Variants in CACNA1C observed in about 807,000 individuals in gnomAD.
CACNA1C encodes voltage-dependent L-type calcium channel subunit alpha-1C.
In CACNA1C, 30 loss-of-function variants were observed where a neutral mutation model predicts 229.0. The observed-to-expected ratio is 0.13, with a 90% CI of 0.10 to 0.18. CACNA1C has a LOEUF of 0.18. CACNA1C is among the 10% of genes least tolerant of loss of function. The pLI is 1.00. For missense variants in CACNA1C, 1,658 were observed against 2,845.0 expected, an observed-to-expected ratio of 0.58 and a Z score of 9.49; for synonymous variants, 1,114 against 1,132.5, an observed-to-expected ratio of 0.98 and a Z score of 0.33.
intron 13 of CACNA1C, among the ~76,000 whole-genome samples, chr12:2,579,096 C>T (rs1301114265): frequency 1.3e-5 from 2 of 152,170 alleles, no homozygotes; most frequent in African/African-American, 4.8e-5. Flanking sequence ...GACTTTCTTG[C>T]TGACGGCACC....
intron 3 of CACNA1C, among the ~76,000 whole-genome samples, chr12:2,175,475 C>T (rs1008120292): frequency 6.6e-6 from 1 of 151,994 alleles, no homozygotes; most frequent in Non-Finnish European, 1.5e-5. Flanking sequence ...GAGTTAGATT[C>T]AGGTTCCGTT....
intron 1 of CACNA1C, among the ~76,000 whole-genome samples, chr12:2,097,993 T>C (rs1276933166): frequency 2.0e-5 from 3 of 152,204 alleles, no homozygotes; most frequent in Non-Finnish European, 4.4e-5. Context: ...GTACGGTATC[T>C]GGTGGAGCCT....
intron 3 of CACNA1C, among the ~76,000 whole-genome samples, chr12:2,375,392 G>T (rs2098020524): frequency 6.6e-6 from 1 of 152,206 alleles, no homozygotes; most frequent in South Asian, 2.1e-4. Flanking sequence ...CTGGCATGAG[G>T]CTCAGGAGAT....
intron 3 of CACNA1C, among the ~76,000 whole-genome samples, chr12:2,268,406 G>T (rs2083288147): frequency 6.6e-6 from 1 of 152,222 alleles, no homozygotes; most frequent in Non-Finnish European, 1.5e-5. Flanking sequence ...TGGGCCAGCT[G>T]CTCTTGTTCC....
At chr12:2,557,343 G>A (rs2370599) in intron 11 of CACNA1C, among the ~76,000 whole-genome samples, 134,947 of 152,200 alleles carry the variant, frequency 0.89, 60,372 homozygotes, top group Non-Finnish European at 0.95. Flanking sequence ...ATGGTGAGAT[G>A]TAACCTTTGA....
At chr12:2,161,721 G>A (rs543326976) in intron 3 of CACNA1C, among the ~76,000 whole-genome samples, 6 of 152,330 alleles carry the variant, frequency 3.9e-5, no homozygotes, top group Middle Eastern at 3.4e-3. Flanking sequence ...CAAACAAAGA[G>A]CGCTCTCTGG....
At chr12:2,278,045 T>G (rs1013429721) in intron 3 of CACNA1C, among the ~76,000 whole-genome samples, 1 of 152,220 alleles carries the variant, frequency 6.6e-6, no homozygotes, top group Non-Finnish European at 1.5e-5. Context: ...TGAGGGCCAA[T>G]CTCAGTCCTC....
intron 3 of CACNA1C, among the ~76,000 whole-genome samples, chr12:2,419,858 T>G (rs561391934): frequency 6.6e-6 from 1 of 152,310 alleles, no homozygotes; most frequent in Admixed American, 6.5e-5. Flanking sequence ...CAGCCAGTGC[T>G]GAGGCTGGAT....
intron 3 of CACNA1C, among the ~76,000 whole-genome samples, chr12:2,404,259 C>G (rs572198694): frequency 1.4e-4 from 22 of 152,276 alleles, no homozygotes; most frequent in African/African-American, 4.8e-4. Flanking sequence ...GGAATGAGCC[C>G]CTGGCCTTTT....
At chr12:2,144,289 G>C (rs947709424) in intron 3 of CACNA1C, among the ~76,000 whole-genome samples, 1 of 151,308 alleles carries the variant, frequency 6.6e-6, no homozygotes, top group African/African-American at 2.4e-5. Flanking sequence ...GGGTGTAGAA[G>C]AATTGTCTGG....
At chr12:2,107,550 G>A (rs1001562517) in intron 1 of CACNA1C, among the ~76,000 whole-genome samples, 20 of 152,268 alleles carry the variant, frequency 1.3e-4, no homozygotes, top group Non-Finnish European at 2.1e-4. Context: ...CAGCTGGGGT[G>A]TCCTGAGGAT....
chr12:2,679,529 G>A lies in CACNA1C; in HGVS notation c.5177G>A (p.Arg1726His), dbSNP rs377564636. ...TTCCCCCAGACCTTCACCACTCAGC[G>A]CCCGCTGCACATCAACAAGGCGGGC... is the stretch of plus-strand genomic sequence containing the variant. Reference protein sequence around the residue: ...SAFPQTFTTQRPLHINKAGSS... With the variant: ...SAFPQTFTTQHPLHINKAGSS... The change falls in exon 42 of 47, where the codon CGC (arginine) becomes CAC (histidine). Residue 1726 changes from arginine to histidine, a missense_variant. Coordinates refer to ENST00000399655, the MANE Select transcript of CACNA1C (RefSeq NM_000719.7). The surrounding 1 kb of genome is among the most constrained non-coding windows in gnomAD (Gnocchi z 5.5). 6.8e-6 allele frequency: 11 copies of A among 1,612,504 alleles called. No individual in the cohort carries two copies. The highest frequency in any genetic ancestry group is 2.2e-5 in the East Asian group (1 of 44,848).
Position 2,139,058 on chromosome 12 carries a change from G to T in CACNA1C, c.477+18628G>T, listed in dbSNP as rs941627974. ...ACTGCTGTGAAAATACCATGCATTTGGTGGCTTAAAACAATAGAAATTTAT... is the reference window on the plus strand; with the variant it reads ...ACTGCTGTGAAAATACCATGCATTTTGTGGCTTAAAACAATAGAAATTTAT... On this transcript the variant is annotated intron_variant, in intron 3 of 46. Coordinates refer to ENST00000399655, the MANE Select transcript of CACNA1C (RefSeq NM_000719.7). Among the ~76,000 whole-genome samples the T allele has an allele frequency of 5.3e-5, 8 of 150,986 alleles. 1 individual carries two copies. Among genetic ancestry groups the T allele is most frequent in the South Asian group, 2.1e-4 (1 of 4,722 alleles).
intron 5 of CACNA1C, among the ~76,000 whole-genome samples, chr12:2,468,298 C>G (rs868500284): frequency 6.6e-6 from 1 of 152,322 alleles, no homozygotes; most frequent in South Asian, 2.1e-4. Context: ...CCTCCAGTCA[C>G]GAACTGGTCT....
At chr12:2,619,839 G>A (rs574369766) in intron 29 of CACNA1C, among the ~76,000 whole-genome samples, 2 of 152,110 alleles carry the variant, frequency 1.3e-5, no homozygotes, top group East Asian at 1.9e-4. Context: ...TGGTACCAGG[G>A]ACTCAATCAT....
At chr12:2,400,991 C>G (rs550110946) in intron 3 of CACNA1C, among the ~76,000 whole-genome samples, 3 of 151,322 alleles carry the variant, frequency 2.0e-5, no homozygotes, top group African/African-American at 7.4e-5. Flanking sequence ...TCTCCCAAGT[C>G]CCCTTCTCCC....
chr12:2,425,986 A>G (rs1185733113), intron 3 of CACNA1C, among the ~76,000 whole-genome samples: 2 of 152,134 alleles, frequency 1.3e-5, no homozygotes. Flanking sequence ...GGGGGAACAG[A>G]TGACTATGTT....
Position 2,156,905 on chromosome 12 carries a change from G to A in CACNA1C, c.477+36475G>A, listed in dbSNP as rs1305536175. Among the ~76,000 whole-genome samples, 3 of 152,334 alleles carry A rather than the reference G, an allele frequency of 2.0e-5. No individual in the cohort carries two copies. In the South Asian group the frequency reaches 6.2e-4, roughly 32 times the overall value. On this transcript the variant is annotated intron_variant, in intron 3 of 46. Coordinates refer to ENST00000399655, the MANE Select transcript of CACNA1C (RefSeq NM_000719.7). ...TGTTCTGCCTTCATGCAGCCCAGTG[G>A]CAGCTGGGAAAGCTGGAAAGTAGAT...
intron 3 of CACNA1C, among the ~76,000 whole-genome samples, chr12:2,299,734 A>G (rs1267821947): frequency 1.3e-5 from 2 of 152,056 alleles, no homozygotes; most frequent in African/African-American, 2.4e-5. Flanking sequence ...TTGATCCTCA[A>G]TTCCTAGGAG....
Sources: allele counts gnomAD v4.1 joint callset (sites outside exome capture counted in the v4.1 genomes callset), GRCh38; gene constraint gnomAD v4.1.1; non-coding constraint Gnocchi (gnomAD v3.1); transcripts MANE v1.5; gene names NCBI Gene and HGNC (gene_info 2026-07-23, HGNC 2026-07-21).